The following EYA3 variants were observed in gnomAD, a reference collection of about 807,000 sequenced individuals.
EYA3 encodes EYA transcriptional coactivator and phosphatase 3.
A neutral mutation model predicts 80.0 loss-of-function variants in EYA3; 39 were observed. That is an observed-to-expected ratio of 0.49 (90% CI 0.38 to 0.64). The LOEUF is 0.64. EYA3 is among the 30% of genes least tolerant of loss of function. The pLI is 0.00. For synonymous variants in EYA3, 206 were observed against 232.8 expected, an observed-to-expected ratio of 0.88 and a Z score of 1.05; for missense variants, 523 against 676.1, an observed-to-expected ratio of 0.77 and a Z score of 2.51.
At chr1:27,980,850 G>A (rs112778387) in intron 16 of EYA3, among the ~76,000 whole-genome samples, 2 of 152,280 alleles carry the variant, frequency 1.3e-5, no homozygotes, top group African/African-American at 4.8e-5. Context: ...ATTAGCTTGG[G>A]CAACACAGTG....
intron 10 of EYA3, among the ~76,000 whole-genome samples, chr1:28,005,920 C>A (rs902917039): frequency 6.6e-6 from 1 of 151,788 alleles, no homozygotes; most frequent in Non-Finnish European, 1.5e-5. Flanking sequence ...GCCTGGCCAA[C>A]CTGGTGAAAC....
chr1:28,066,535 A>G (rs1289582188), intron 1 of EYA3, among the ~76,000 whole-genome samples: 1 of 152,134 alleles, frequency 6.6e-6, no homozygotes, highest in African/African-American at 2.4e-5. Context: ...AAATATCCAC[A>G]TCAACATATG....
intron 5 of EYA3, among the ~76,000 whole-genome samples, chr1:28,036,373 G>T (rs1182929985): frequency 3.3e-5 from 5 of 152,102 alleles, no homozygotes; most frequent in Non-Finnish European, 7.4e-5. Flanking sequence ...AACAAGATTG[G>T]CAATTGGCTC....
chr1:28,065,785 A>G (rs1644815881), intron 1 of EYA3, among the ~76,000 whole-genome samples: 1 of 151,058 alleles, frequency 6.6e-6, no homozygotes, highest in African/African-American at 2.4e-5. Context: ...CGGGCGGATC[A>G]TGAGGTCAGG....
chr1:28,037,052 G>C (rs944905749), intron 5 of EYA3, among the ~76,000 whole-genome samples: 7 of 152,186 alleles, frequency 4.6e-5, no homozygotes. Context: ...TATATTAAGA[G>C]AAGTAGCGAG....
chr1:28,025,885 C>T (rs1642753409), intron 7 of EYA3, among the ~76,000 whole-genome samples: 2 of 152,146 alleles, frequency 1.3e-5, no homozygotes, highest in East Asian at 1.9e-4. Flanking sequence ...CTCGGCCTCC[C>T]GAGTAGCTGG....
intron 16 of EYA3, among the ~76,000 whole-genome samples, chr1:27,984,381 A>AT (rs58494712): frequency 1.1e-3 from 157 of 145,124 alleles, no homozygotes; most frequent in Middle Eastern, 3.5e-3. Context: ...GCAATCAATG[A>AT]TTTTTTTTTT....
chr1:28,039,368 T>G (rs544019403), intron 4 of EYA3, among the ~76,000 whole-genome samples: 1 of 152,342 alleles, frequency 6.6e-6, no homozygotes, highest in Non-Finnish European at 1.5e-5. Context: ...AATCTTATTT[T>G]AAAACCACTG....
chr1:28,026,536 T>G (rs1231633032), intron 7 of EYA3, among the ~76,000 whole-genome samples: 6 of 152,130 alleles, frequency 3.9e-5, no homozygotes, highest in Non-Finnish European at 7.4e-5. Context: ...GAGGATCACT[T>G]TAGCCCGGAA....
At chr1:28,085,314 T>C (rs1645610215) in intron 1 of EYA3, among the ~76,000 whole-genome samples, 1 of 152,106 alleles carries the variant, frequency 6.6e-6, no homozygotes, top group Non-Finnish European at 1.5e-5. Flanking sequence ...TAGCCAGGTA[T>C]GGTGGCATGA....
At chr1:28,076,453 G>A (rs2148943137) in intron 1 of EYA3, among the ~76,000 whole-genome samples, 1 of 152,108 alleles carries the variant, frequency 6.6e-6, no homozygotes, top group Admixed American at 6.5e-5. Flanking sequence ...GCTCACACCT[G>A]TAATCCCAGC....
rs1374613138 is a variant in EYA3, at chr1:27,972,666, ATCTC to A, written c.*1796_*1799del. On this transcript the variant is annotated 3_prime_UTR_variant, in exon 18 of 18. Coordinates refer to ENST00000373871, the MANE Select transcript of EYA3 (RefSeq NM_001990.4). Reference sequence around the variant, plus strand: ...CATCTCAATCTGAGGTGCTTGTATCATCTCTCTCTGTGTAGCCTGGGAGAGGCTG... The same window carrying A: ...CATCTCAATCTGAGGTGCTTGTATCATCTCTGTGTAGCCTGGGAGAGGCTG... 6 of 152,128 alleles carry A rather than the reference ATCTC, an allele frequency of 3.9e-5. No homozygotes were observed. The highest frequency in any genetic ancestry group is 1.3e-4 in the Admixed American group (2 of 15,268). The allele number at this position is 152,128 out of a possible 1,614,324, so 9.4% of individuals were successfully genotyped here.
At chr1:27,989,999 G>A (rs1639936154) in intron 14 of EYA3, among the ~76,000 whole-genome samples, 188 bp from the exon 15 acceptor site, 1 of 151,680 alleles carries the variant, frequency 6.6e-6, no homozygotes, top group Admixed American at 6.6e-5. Context: ...GAATTCCATT[G>A]TAGACAGGTG....
At chr1:27,975,399 T>C (rs972031984) in intron 17 of EYA3, among the ~76,000 whole-genome samples, 1 of 152,136 alleles carries the variant, frequency 6.6e-6, no homozygotes, top group Non-Finnish European at 1.5e-5. Context: ...CAGGTTGGTC[T>C]TGAACTCCTG....
intron 1 of EYA3, among the ~76,000 whole-genome samples, chr1:28,065,836 C>A (rs902150602): frequency 1.3e-5 from 2 of 151,440 alleles, no homozygotes; most frequent in Non-Finnish European, 2.9e-5. Flanking sequence ...AACCCCATCT[C>A]TACTAAAAAT....
At chr1:27,988,185 A>G (rs944783771) in intron 16 of EYA3, among the ~76,000 whole-genome samples, 1 of 152,178 alleles carries the variant, frequency 6.6e-6, no homozygotes, top group South Asian at 2.1e-4. Flanking sequence ...TTTTAGGTAT[A>G]TAGTTTAGAA....
intron 7 of EYA3, among the ~76,000 whole-genome samples, chr1:28,020,429 G>A (rs963783344): frequency 1.3e-5 from 2 of 152,124 alleles, no homozygotes; most frequent in Non-Finnish European, 2.9e-5. Context: ...GGTCAACTAT[G>A]TGCCTAGAAA....
chr1:28,042,669 A>G lies in EYA3; in HGVS notation c.78-19T>C. 1 of 1,601,812 alleles carries G rather than the reference A, an allele frequency of 6.2e-7. No individual in the cohort carries two copies. Among genetic ancestry groups the G allele is most frequent in the Non-Finnish European group, 8.6e-7 (1 of 1,168,690 alleles). ...TACTTGACTGGGAGAACCAAAATGAATACATTAGCCCCTGATTGATTTGCT... is the reference window on the plus strand; with the variant it reads ...TACTTGACTGGGAGAACCAAAATGAGTACATTAGCCCCTGATTGATTTGCT... On this transcript the variant is annotated intron_variant, in intron 3 of 17. Transcript: ENST00000373871.
At chr1:28,060,318 A>C (rs1246828688) in intron 1 of EYA3, among the ~76,000 whole-genome samples, 1 of 152,238 alleles carries the variant, frequency 6.6e-6, no homozygotes, top group South Asian at 2.1e-4. Flanking sequence ...GGAGAACATA[A>C]TACTACTTAC....
Sources: gnomAD v4.1 joint callset for allele counts (sites outside exome capture counted in the v4.1 genomes callset) on GRCh38, gnomAD v4.1.1 for gene constraint, MANE v1.5 for transcripts, NCBI Gene and HGNC (gene_info 2026-07-23, HGNC 2026-07-21) for gene names.